NDST2: variants seen among roughly 807,000 people sequenced by gnomAD.
NDST2 encodes the protein N-deacetylase and N-sulfotransferase 2.
A neutral mutation model predicts 86.9 loss-of-function variants in NDST2; 32 were observed. The ratio of observed to expected loss-of-function variants is 0.37; its 90% CI spans 0.28 to 0.49. The LOEUF is 0.49. NDST2 is among the 20% of genes least tolerant of loss of function. The probability of loss-of-function intolerance (pLI) is 0.97; values close to 1 mark genes in which losing one functional copy is unlikely to be tolerated. For synonymous variants in NDST2, 409 were observed against 437.0 expected (o/e 0.94, Z 0.80); for missense variants, 950 against 1,146.9 (o/e 0.83, Z 2.48).
chr10:73,802,805 G>A (rs375081962), intron 13 of NDST2, 29 bp from the exon 14 acceptor site: 19 of 1,601,422 alleles, frequency 1.2e-5, no homozygotes, highest in Non-Finnish European at 1.5e-5. Flanking sequence ...CCATGAGGTG[G>A]CAGGGAAAAG....
chr10:73,806,868 T>C lies in NDST2; in HGVS notation c.1094-57A>G. On this transcript the variant is annotated intron_variant, in intron 4 of 14. Transcript: ENST00000309979. This position sits in a 1 kb window ranked among gnomAD's most constrained non-coding sequence, Gnocchi z 4.5. The stretch of plus-strand genomic sequence containing the variant: ...CAGTCAGCCCCTGTTCCCTCCTTTA[T>C]TTTGTAACAACACTGACCACCTTCC... 1.3e-6 allele frequency: 2 copies of C among 1,594,152 alleles called. No individual in the cohort carries two copies. The highest frequency in any genetic ancestry group is 1.7e-6 in the Non-Finnish European group (2 of 1,166,044).
chr10:73,803,519 T>TGGGGGGCG, intron 11 of NDST2, 55 bp downstream of exon 11: 1 of 565,896 alleles, frequency 1.8e-6, no homozygotes, highest in Non-Finnish European at 3.4e-6. Flanking sequence ...GCAGTCACTG[T>TGGGGGGCG]CCCCTCCCCC....
In NDST2 at chr10:73,806,441, C is replaced by CA; in HGVS notation, c.1281dup (p.Val428CysfsTer17). 1.2e-6 allele frequency: 2 copies of CA among 1,606,612 alleles called. No homozygotes were observed. Among genetic ancestry groups the CA allele is most frequent in the Non-Finnish European group, 1.7e-6 (2 of 1,175,348 alleles). On this transcript the variant is annotated frameshift_variant, in exon 6 of 15. Coordinates refer to ENST00000309979, the MANE Select transcript of NDST2 (RefSeq NM_003635.4). LOFTEE classifies it high-confidence loss of function. This position sits in a 1 kb window ranked among gnomAD's most constrained non-coding sequence, Gnocchi z 4.5. Reference sequence around the variant, plus strand: ...TACACACCCGAGTGGTGGGGGGCCACAGCATACCCCAGGTCCGTGGGAATC... The same window carrying CA: ...TACACACCCGAGTGGTGGGGGGCCACAAGCATACCCCAGGTCCGTGGGAATC...
chr10:73,802,507 C>G lies in NDST2; in HGVS notation c.2596G>C (p.Gly866Arg), dbSNP rs761231174. 3.7e-6 allele frequency: 6 copies of G among 1,613,866 alleles called. No homozygotes were observed. Among genetic ancestry groups the G allele is most frequent in the East Asian group, 2.2e-5 (1 of 44,892 alleles). ...CGAAGCCACGAGGGCACTGGCTGTC[C>G]AAGCCGGCTCAGCAGCTTCGACAAC... Reference protein sequence around the residue: ...LELSKLLSRLGQPVPSWLREE... With the variant: ...LELSKLLSRLRQPVPSWLREE... Residue 866 changes from glycine (G) to arginine (R), a missense_variant, in exon 15 of 15, where the codon GGA becomes CGA. Gly to Arg is a moderately radical substitution (Grantham distance 125). Transcript: ENST00000309979.
Position 73,803,034 on chromosome 10 carries a change from T to G in NDST2, c.2361A>C (p.Ser787=). 6.2e-7 allele frequency: 1 copy of G among 1,614,224 alleles called. No individual in the cohort carries two copies. Among genetic ancestry groups the G allele is most frequent in the Non-Finnish European group, 8.5e-7 (1 of 1,180,038 alleles). ...CCAGGAACTTCTGGATGCTCTCCAT[T>G]GAGGCTGCTGGGTTGGTACGCAGCT... ...GQELRTNPAA[S]MESIQKFLGI... is the part of the protein sequence containing the mutation. The change falls in exon 13 of 15, where the codon TCA becomes TCC. Residue 787 remains serine (S), a synonymous_variant. Transcript: ENST00000309979.
chr10:73,803,519 T>TGGGGGGGGCGCGG, intron 11 of NDST2, 55 bp downstream of exon 11: 1 of 565,898 alleles, frequency 1.8e-6, no homozygotes, highest in Non-Finnish European at 3.4e-6. Context: ...GCAGTCACTG[T>TGGGGGGGGCGCGG]CCCCTCCCCC....
chr10:73,803,090 A>C lies in NDST2; in HGVS notation c.2314-9T>G. 6.2e-7 allele frequency: 1 copy of C among 1,614,174 alleles called. No individual in the cohort carries two copies. Among genetic ancestry groups the C allele is most frequent in the Middle Eastern group, 1.6e-4 (1 of 6,062 alleles). On this transcript the variant is annotated splice_polypyrimidine_tract_variant and intron_variant, in intron 12 of 14. Coordinates refer to ENST00000309979, the MANE Select transcript of NDST2 (RefSeq NM_003635.4). ...CCATCCACAATCAGCAACTAAAAGG[A>C]CAGGGATGTGGTTCCCTCTATATTC...
chr10:73,802,318 G>A lies in NDST2; in HGVS notation c.*133C>T, dbSNP rs2083998507. 1.1e-6 allele frequency: 1 copy of A among 919,006 alleles called. No individual in the cohort carries two copies. 56.9% of individuals were successfully genotyped at this position (919,006 alleles called of 1,614,324 possible). ...GGAAAAGGATACCCTTCCCTTCTCA[G>A]CCATCTCAGGCCTGGGGGCTACTGA... On this transcript the variant is annotated 3_prime_UTR_variant, in exon 15 of 15. Coordinates refer to ENST00000309979, the MANE Select transcript of NDST2 (RefSeq NM_003635.4).
At chr10:73,805,238 C>T (rs1040654859) in intron 8 of NDST2, among the ~76,000 whole-genome samples, 1 of 151,788 alleles carries the variant, frequency 6.6e-6, no homozygotes, top group East Asian at 2.0e-4. Flanking sequence ...CCCGGCTGGG[C>T]GCAGTGGCTT....
rs765492912 is a variant in NDST2, at chr10:73,807,871, C to T, written c.518G>A (p.Arg173Gln). 2.5e-5 allele frequency: 40 copies of T among 1,612,706 alleles called. No individual in the cohort carries two copies. The highest frequency in any genetic ancestry group is 3.3e-5 in the South Asian group (3 of 91,016). ...EYGVGIIGFF[R>Q]AHEHSLLSAQ... ...GCTCAGTAGGCTGTGCTCGTGGGCT[C>T]GGAAAAAGCCAATGATGCCCACACC... Residue 173 changes from arginine (R) to glutamine (Q), a missense_variant, in exon 3 of 15, where the codon CGA (arginine) becomes CAA (glutamine). This residue lies in a region of NDST2 where 586 missense variants were observed against 714.0 expected (regional missense o/e 0.82). Transcript: ENST00000309979.
Position 73,802,700 on chromosome 10 carries a change from G to C in NDST2, c.2500C>G (p.Arg834Gly). 2 of 1,613,932 alleles carry C rather than the reference G, an allele frequency of 1.2e-6. No individual in the cohort carries two copies. The highest frequency in any genetic ancestry group is 1.7e-6 in the Non-Finnish European group (2 of 1,179,848). The change falls in exon 14 of 15, where the codon CGG becomes GGG. Residue 834 changes from arginine (R) to glycine (G), a missense_variant. Physicochemically the swap from Arg to Gly is moderately radical, Grantham distance 125. Transcript: ENST00000309979. ...KTRCLGRSKG[R>G]RYPDMDTESR... ...TCAGTGTCCATATCTGGATACCTCCGGCCTTTGCTCCGGCCTAGACAGCGA... is the reference window on the plus strand; with the variant it reads ...TCAGTGTCCATATCTGGATACCTCCCGCCTTTGCTCCGGCCTAGACAGCGA...
chr10:73,810,315 G>A (rs1274544432), intron 2 of NDST2, among the ~76,000 whole-genome samples: 2 of 152,160 alleles, frequency 1.3e-5, no homozygotes, highest in East Asian at 3.9e-4. Context: ...AAAATTAGAT[G>A]GGCATGGTGG....
Position 73,807,531 on chromosome 10 carries a change from G to C in NDST2, c.858C>G (p.Phe286Leu), listed in dbSNP as rs747222231. The C allele has an allele frequency of 1.9e-6, 3 of 1,614,204 alleles. No homozygotes were observed. The highest frequency in any genetic ancestry group is 2.5e-6 in the Non-Finnish European group (3 of 1,180,036). Residue 286 changes from phenylalanine (F) to leucine (L), a missense_variant, in exon 3 of 15, where the codon TTC (phenylalanine) becomes TTG (leucine). By Grantham distance (22) the Phe-to-Leu change is conservative. Coordinates refer to ENST00000309979, the MANE Select transcript of NDST2 (RefSeq NM_003635.4). ...QRVLFGHGLS[F>L]WLHKLIFVDA... ...CAACGAAGATAAGTTTGTGGAGCCA[G>C]AAGGAAAGGCCATGTCCAAAGAGCA...
Position 73,806,524 on chromosome 10 carries a change from G to C in NDST2, c.1249-50C>G, listed in dbSNP as rs2084106307. 19 of 1,548,206 alleles carry C rather than the reference G, an allele frequency of 1.2e-5. No homozygotes were observed. The highest frequency in any genetic ancestry group is 1.7e-5 in the Non-Finnish European group (19 of 1,143,038). ...AGGACCTGGTGAGGTTTGGGGAGTAGAGGGTAAAGAGGGTGGGGAAGCCTC... is the reference window on the plus strand; with the variant it reads ...AGGACCTGGTGAGGTTTGGGGAGTACAGGGTAAAGAGGGTGGGGAAGCCTC... On this transcript the variant is annotated intron_variant, in intron 5 of 14. Transcript: ENST00000309979. This position sits in a 1 kb window ranked among gnomAD's most constrained non-coding sequence, Gnocchi z 4.5.
chr10:73,810,723 G>A (rs1355717349), intron 2 of NDST2, 76 bp downstream of exon 2: 2 of 397,702 alleles, frequency 5.0e-6, no homozygotes, highest in Non-Finnish European at 8.9e-6. Flanking sequence ...CTTCACACCA[G>A]CCCTAAGAGG....
At position 73,807,437 on chromosome 10, in the gene NDST2, C is replaced by T. The variant is rs762356355; in HGVS notation, c.952G>A (p.Asp318Asn). 6 of 1,614,184 alleles carry T rather than the reference C, an allele frequency of 3.7e-6. No homozygotes were observed. The highest frequency in any genetic ancestry group is 2.2e-5 in the East Asian group (1 of 44,876). ...DLDRYILVDI[D>N]DIFVGKEGTR... ...CCTTCCTTGCCCACAAAGATGTCAT[C>T]GATGTCTACCAAGATGTAGCGGTCA... The change falls in exon 3 of 15, where the codon GAT becomes AAT. Residue 318 changes from aspartate to asparagine, a missense_variant. Physicochemically the swap from Asp to Asn is conservative, Grantham distance 23. Coordinates refer to ENST00000309979, the MANE Select transcript of NDST2 (RefSeq NM_003635.4).
rs1055422166 is a variant in NDST2, at chr10:73,802,786, AG to A, written c.2424-11del. 1 of 1,612,590 alleles carries A rather than the reference AG, an allele frequency of 6.2e-7. No individual in the cohort carries two copies. The highest frequency in any genetic ancestry group is 8.5e-7 in the Non-Finnish European group (1 of 1,178,600). ...CTTATCATCATCAAACCTGCTCAACAGGAAGAGGCCATGAGGTGGCAGGGAA... is the reference window on the plus strand; with the variant it reads ...CTTATCATCATCAAACCTGCTCAACAGAAGAGGCCATGAGGTGGCAGGGAA... On this transcript the variant is annotated splice_polypyrimidine_tract_variant and intron_variant, in intron 13 of 14. Transcript: ENST00000309979.
At position 73,807,646 on chromosome 10, in the gene NDST2, G is replaced by A. The variant is rs776599234; in HGVS notation, c.743C>T (p.Ala248Val). Residue 248 changes from alanine (A) to valine (V), a missense_variant, in exon 3 of 15, where the codon GCT becomes GTT. By Grantham distance (64) the Ala-to-Val change is moderately conservative (BLOSUM62 0). Transcript: ENST00000309979. The stretch of plus-strand genomic sequence containing the variant: ...AACTGGTCCTGGCACTGCGGGCTCA[G>A]CTGGCCGAAGGCTGGCAAGAAGCAC... ...EPVLLASLRP[A>V]EPAVPGPVLR... 1 of 1,614,120 alleles carries A rather than the reference G, an allele frequency of 6.2e-7. No individual in the cohort carries two copies. The highest frequency in any genetic ancestry group is 1.3e-5 in the African/African-American group (1 of 74,940).
At chr10:73,810,629 A>C in intron 2 of NDST2, 170 bp downstream of exon 2, 1 of 385,700 alleles carries the variant, frequency 2.6e-6, no homozygotes, top group Non-Finnish European at 4.6e-6. Flanking sequence ...ACTGACGGGA[A>C]GTTGATACTC....
Sources: gnomAD v4.1 joint callset for allele counts (sites outside exome capture counted in the v4.1 genomes callset) on GRCh38, gnomAD v4.1.1 for gene constraint, gnomAD v4.1.1 regional missense constraint, Gnocchi (gnomAD v3.1) non-coding constraint, MANE v1.5 for transcripts, NCBI Gene and HGNC (gene_info 2026-07-23, HGNC 2026-07-21) for gene names.